SPAG16: variants seen among roughly 807,000 people sequenced by gnomAD.
SPAG16 encodes sperm associated antigen 16.
SPAG16 carries 86 observed loss-of-function variants against 80.4 expected under a neutral mutation model. That is an observed-to-expected ratio of 1.07 (90% CI 0.90 to 1.28). The LOEUF (loss-of-function observed/expected upper bound fraction) is 1.28, where lower values mean the gene tolerates loss of function less well. Among genes scored for constraint, SPAG16 ranks in the 50% most tolerant of loss-of-function variants. SPAG16 has a pLI of 0.00. For missense variants in SPAG16, 870 were observed against 765.3 expected, an observed-to-expected ratio of 1.14 and a Z score of -1.61; for synonymous variants, 294 against 265.9, an observed-to-expected ratio of 1.11 and a Z score of -1.03.
rs1011370400 is a variant in SPAG16 at position 213,540,323 on chromosome 2, T to C, written c.1070+50233T>C. Among the ~76,000 whole-genome samples, 6 of 152,180 alleles carry C rather than the reference T, an allele frequency of 3.9e-5. No homozygotes were observed. The East Asian group carries it at 1.2e-3, about 29-fold the overall frequency. ...CCTTGGCCTCCCAAAGTGCTGGGAT[T>C]ACAGGCATGAGCCACCATGCCCGGC... On this transcript the variant is annotated intron_variant, in intron 10 of 15. Transcript: ENST00000331683.
At chr2:213,676,431 C>T (rs142274084) in intron 10 of SPAG16, among the ~76,000 whole-genome samples, 54,405 of 140,974 alleles carry the variant, frequency 0.39, 11,125 homozygotes, top group African/African-American at 0.53. Flanking sequence ...TGAATAGGAG[C>T]GGTGAGAGAG....
intron 9 of SPAG16, among the ~76,000 whole-genome samples, chr2:213,457,213 C>A (rs888570062): frequency 6.6e-6 from 1 of 152,138 alleles, no homozygotes; most frequent in African/African-American, 2.4e-5. Context: ...GATGGACTTA[C>A]TCTTTCTGTT....
At chr2:214,236,651 C>CAAAAAAAA (rs796602256) in intron 15 of SPAG16, among the ~76,000 whole-genome samples, 1 of 131,636 alleles carries the variant, frequency 7.6e-6, no homozygotes. Flanking sequence ...GACTCCGTTT[C>CAAAAAAAA]AAAAAAAAAA....
chr2:214,005,576 T>C (rs1346727013), intron 12 of SPAG16, among the ~76,000 whole-genome samples: 1 of 152,184 alleles, frequency 6.6e-6, no homozygotes, highest in Non-Finnish European at 1.5e-5. Context: ...GTGGTGAATC[T>C]TATGGTAGAG....
chr2:214,210,271 A>C (rs2058255683), intron 15 of SPAG16, among the ~76,000 whole-genome samples: 1 of 134,198 alleles, frequency 7.5e-6, no homozygotes. Context: ...TATGAGGTCC[A>C]CTTATACATG....
intron 15 of SPAG16, among the ~76,000 whole-genome samples, chr2:214,188,600 A>G (rs2057555657): frequency 6.6e-6 from 1 of 152,180 alleles, no homozygotes; most frequent in Non-Finnish European, 1.5e-5. Flanking sequence ...CTTCATATCC[A>G]TAAAAATGCA....
intron 11 of SPAG16, among the ~76,000 whole-genome samples, chr2:213,919,579 A>G (rs2078117006): frequency 6.6e-6 from 1 of 152,132 alleles, no homozygotes; most frequent in African/African-American, 2.4e-5. Flanking sequence ...CAGCTATTCA[A>G]TTTCCATGTA....
At chr2:213,698,210 A>G (rs2065243388) in intron 10 of SPAG16, among the ~76,000 whole-genome samples, 1 of 151,452 alleles carries the variant, frequency 6.6e-6, no homozygotes, top group Non-Finnish European at 1.5e-5. Flanking sequence ...TATGGGCTAC[A>G]TTTTTCTCAT....
At chr2:213,821,220 T>C (rs1159702506) in intron 10 of SPAG16, among the ~76,000 whole-genome samples, 2 of 152,156 alleles carry the variant, frequency 1.3e-5, no homozygotes, top group African/African-American at 2.4e-5. Flanking sequence ...CTTGTCCTTA[T>C]AAAGTGTTTT....
At chr2:214,291,010 G>C (rs1026421704) in intron 15 of SPAG16, among the ~76,000 whole-genome samples, 2 of 152,040 alleles carry the variant, frequency 1.3e-5, no homozygotes, top group Non-Finnish European at 2.9e-5. Flanking sequence ...TTTAGATCTG[G>C]TAATACTTGA....
At chr2:213,395,902 C>T (rs1423533463) in intron 9 of SPAG16, among the ~76,000 whole-genome samples, 1 of 152,140 alleles carries the variant, frequency 6.6e-6, no homozygotes, top group Admixed American at 6.5e-5. Flanking sequence ...AATCCAGTTT[C>T]ACTTTGTTTT....
intron 10 of SPAG16, among the ~76,000 whole-genome samples, chr2:213,690,272 A>G (rs528517327): frequency 6.6e-6 from 1 of 152,304 alleles, no homozygotes; most frequent in South Asian, 2.1e-4. Flanking sequence ...TAAAAGACAG[A>G]TATTTATTTC....
At chr2:213,533,373 T>C (rs2076137637) in intron 10 of SPAG16, among the ~76,000 whole-genome samples, 1 of 152,176 alleles carries the variant, frequency 6.6e-6, no homozygotes, top group East Asian at 1.9e-4. Flanking sequence ...TAGCTAGGGT[T>C]GGGCTGACAC....
At chr2:213,839,267 A>G (rs2074250922) in intron 10 of SPAG16, among the ~76,000 whole-genome samples, 1 of 152,360 alleles carries the variant, frequency 6.6e-6, no homozygotes, top group Admixed American at 6.5e-5. Flanking sequence ...ATTATTAATT[A>G]TTAGTTGAAT....
chr2:214,222,098 T>G (rs990707724), intron 15 of SPAG16, among the ~76,000 whole-genome samples: 1 of 149,066 alleles, frequency 6.7e-6, no homozygotes, highest in Non-Finnish European at 1.5e-5. Context: ...AGAAATTAGT[T>G]TCCTTGCTAT....
At chr2:214,251,647 A>T (rs1690300549) in intron 15 of SPAG16, among the ~76,000 whole-genome samples, 1 of 151,996 alleles carries the variant, frequency 6.6e-6, no homozygotes, top group Non-Finnish European at 1.5e-5. Flanking sequence ...TGGTTTTCTC[A>T]TTTACGTATT....
At chr2:213,706,773 G>A (rs1452298735) in intron 10 of SPAG16, among the ~76,000 whole-genome samples, 1 of 152,190 alleles carries the variant, frequency 6.6e-6, no homozygotes, top group East Asian at 1.9e-4. Flanking sequence ...CAACTCCAGA[G>A]TGGCTTAGCT....
At chr2:213,785,162 C>A (rs1056368685) in intron 10 of SPAG16, among the ~76,000 whole-genome samples, 10 of 152,142 alleles carry the variant, frequency 6.6e-5, no homozygotes, top group African/African-American at 2.4e-4. Context: ...CCATCGTTAG[C>A]ATTTTGATTC....
intron 15 of SPAG16, among the ~76,000 whole-genome samples, chr2:214,188,731 T>C (rs1285131812): frequency 6.6e-6 from 1 of 152,186 alleles, no homozygotes; most frequent in Non-Finnish European, 1.5e-5. Context: ...ATTCTTTTGA[T>C]ATTACACTGA....
Sources: gnomAD v4.1 joint callset for allele counts (sites outside exome capture counted in the v4.1 genomes callset) on GRCh38, gnomAD v4.1.1 for gene constraint, MANE v1.5 for transcripts, NCBI Gene and HGNC (gene_info 2026-07-23, HGNC 2026-07-21) for gene names.